TVP23A: variants seen among roughly 807,000 people sequenced by gnomAD.
The protein encoded by TVP23A is Golgi apparatus membrane protein TVP23 homolog A.
TVP23A carries 21 observed loss-of-function variants against 31.7 expected under a neutral mutation model. That is an observed-to-expected ratio of 0.66 (90% confidence interval 0.47 to 0.95). TVP23A has a LOEUF of 0.95. TVP23A is among the 40% of genes least tolerant of loss of function. TVP23A has a pLI of 0.00. For synonymous variants in TVP23A, 104 were observed against 96.0 expected (o/e 1.08, Z -0.49); for missense variants, 279 against 255.6 (o/e 1.09, Z -0.62).
chr16:10,818,697 G>C lies in TVP23A; in HGVS notation c.-204C>G. 1 of 563,454 alleles carries C rather than the reference G, an allele frequency of 1.8e-6. No individual in the cohort carries two copies. Among genetic ancestry groups the C allele is most frequent in the South Asian group, 2.9e-5 (1 of 34,498 alleles). 34.9% of individuals were successfully genotyped at this position (563,454 alleles called of 1,614,324 possible). ...GGGCCTAAGGCGCAGTCGCAGGCTG[G>C]GGAGGGGGCTCGGCTCGCCGGGGAC... On this transcript the variant is annotated 5_prime_UTR_variant, in exon 1 of 8. Transcript: ENST00000299866. This position sits in a 1 kb window ranked among gnomAD's most constrained non-coding sequence, Gnocchi z 4.7.
At chr16:10,813,972 C>A (rs932056362) in intron 2 of TVP23A, among the ~76,000 whole-genome samples, 1 of 122,300 alleles carries the variant, frequency 8.2e-6, no homozygotes, top group South Asian at 2.8e-4. Context: ...GCACTCCAGC[C>A]TGGGCAAAAA....
downstream of TVP23A, chr16:10,757,931 G>A: frequency 6.2e-7 from 1 of 1,614,058 alleles, no homozygotes; most frequent in Non-Finnish European, 8.5e-7. This position sits in a 1 kb window ranked among gnomAD's most constrained non-coding sequence, Gnocchi z 4.1. Context: ...ACCTCATTGT[G>A]GACACCCCAC....
chr16:10,772,098 C>T (rs116765913), intron 5 of TVP23A, among the ~76,000 whole-genome samples: 2,341 of 152,300 alleles, frequency 0.015, 79 homozygotes, highest in African/African-American at 0.052. Flanking sequence ...TCTCAAGCCA[C>T]GTAGAAATGC....
chr16:10,813,729 G>C (rs2143007483), intron 2 of TVP23A, among the ~76,000 whole-genome samples: 1 of 152,164 alleles, frequency 6.6e-6, no homozygotes, highest in East Asian at 1.9e-4. Context: ...TTCTAGGCCG[G>C]GCATGGTGGC....
intron 2 of TVP23A, among the ~76,000 whole-genome samples, chr16:10,804,707 C>T (rs995510795): frequency 2.0e-5 from 3 of 152,340 alleles, no homozygotes; most frequent in Admixed American, 6.5e-5. Flanking sequence ...GATCATGCCA[C>T]TGCACTCCAG....
Position 10,818,745 on chromosome 16 carries a change from G to T in TVP23A, c.-252C>A, listed in dbSNP as rs1376944769. On this transcript the variant is annotated 5_prime_UTR_variant, in exon 1 of 8. Coordinates refer to ENST00000299866, the MANE Select transcript of TVP23A (RefSeq NM_001079512.4). The surrounding 1 kb of genome is among the most constrained non-coding windows in gnomAD (Gnocchi z 4.7). ...GACGCGCCCAGGAGAGAAAGCGGCGGCAGGGAGGCAACGGCCTGGGGAACT... is the reference window on the plus strand; with the variant it reads ...GACGCGCCCAGGAGAGAAAGCGGCGTCAGGGAGGCAACGGCCTGGGGAACT... 2 of 492,308 alleles carry T rather than the reference G, an allele frequency of 4.1e-6. No homozygotes were observed. The highest frequency in any genetic ancestry group is 7.0e-6 in the Non-Finnish European group (2 of 283,910). 30.5% of individuals were successfully genotyped at this position (492,308 alleles called of 1,614,324 possible).
At chr16:10,813,992 T>C (rs1596586505) in intron 2 of TVP23A, among the ~76,000 whole-genome samples, 2 of 60,508 alleles carry the variant, frequency 3.3e-5, no homozygotes, top group African/African-American at 1.1e-4. Flanking sequence ...AGAGTGAAAC[T>C]CCATCTCAAA....
chr16:10,815,165 G>C (rs1387797329), intron 2 of TVP23A, among the ~76,000 whole-genome samples: 1 of 138,582 alleles, frequency 7.2e-6, no homozygotes, highest in Admixed American at 6.7e-5. Flanking sequence ...GCTGAAGTAG[G>C]TAGGTAGGGA....
At chr16:10,757,877 G>T, downstream of TVP23A, 1 of 1,613,590 alleles carries the variant, frequency 6.2e-7, no homozygotes, top group Non-Finnish European at 8.5e-7. This position sits in a 1 kb window ranked among gnomAD's most constrained non-coding sequence, Gnocchi z 4.1. Flanking sequence ...TTCTAGGCAT[G>T]ATCAAGCAGT....
intron 2 of TVP23A, among the ~76,000 whole-genome samples, chr16:10,781,888 G>A (rs1467228740): frequency 1.8e-5 from 2 of 109,404 alleles, no homozygotes; most frequent in Non-Finnish European, 3.3e-5. Flanking sequence ...TTGAGACAGA[G>A]TCTCACTCTG....
intron 2 of TVP23A, among the ~76,000 whole-genome samples, chr16:10,796,280 C>T (rs1471714329): frequency 2.0e-5 from 3 of 151,938 alleles, no homozygotes; most frequent in African/African-American, 7.3e-5. Flanking sequence ...TTCAAGGCTG[C>T]AGTGAGATGT....
intron 2 of TVP23A, among the ~76,000 whole-genome samples, chr16:10,807,925 C>G (rs986930886): frequency 2.0e-5 from 3 of 152,124 alleles, no homozygotes; most frequent in African/African-American, 7.2e-5. Context: ...GTTGTCCAGG[C>G]TGGACTCGAA....
chr16:10,778,723 T>C (rs1163924097), intron 2 of TVP23A, among the ~76,000 whole-genome samples: 2 of 151,116 alleles, frequency 1.3e-5, no homozygotes, highest in East Asian at 3.9e-4. Context: ...CCCAGCACTT[T>C]GGGAGGCTGA....
chr16:10,792,114 C>T lies in TVP23A; in HGVS notation c.90-17018G>A, dbSNP rs77093903. ...CCTGCCTATAAAATCTGCTGTGGTCCACCTCCGGCTGGATTTTTCCCTTCG... is the reference window on the plus strand; with the variant it reads ...CCTGCCTATAAAATCTGCTGTGGTCTACCTCCGGCTGGATTTTTCCCTTCG... On this transcript the variant is annotated intron_variant, in intron 2 of 7. Transcript: ENST00000299866. 3.7e-3 allele frequency among the ~76,000 whole-genome samples: 567 copies of T among 152,304 alleles called. 2 individuals carry two copies. The highest frequency in any genetic ancestry group is 6.0e-3 in the Non-Finnish European group (405 of 68,030).
chr16:10,796,264 C>T (rs1363626217), intron 2 of TVP23A, among the ~76,000 whole-genome samples: 8 of 151,874 alleles, frequency 5.3e-5, no homozygotes, highest in Admixed American at 3.9e-4. Flanking sequence ...CACTAGAGCC[C>T]AGGAGTTCAA....
chr16:10,773,904 C>T, intron 4 of TVP23A, 135 bp downstream of exon 4: 1 of 709,220 alleles, frequency 1.4e-6, no homozygotes. Flanking sequence ...ACCCATGTTT[C>T]ACCAGAGCAC....
chr16:10,764,742 AG>A (rs2142799020), downstream of TVP23A, among the ~76,000 whole-genome samples: 1 of 146,196 alleles, frequency 6.8e-6, no homozygotes, highest in Non-Finnish European at 1.5e-5. Context: ...GGAGCATCTC[AG>A]TCTGCTGGAG....
intron 2 of TVP23A, among the ~76,000 whole-genome samples, chr16:10,803,537 G>C (rs2033808594): frequency 6.6e-6 from 1 of 152,110 alleles, no homozygotes; most frequent in Non-Finnish European, 1.5e-5. Flanking sequence ...TGGGTAAACA[G>C]AGTCACAATC....
intron 2 of TVP23A, among the ~76,000 whole-genome samples, chr16:10,788,627 G>T (rs981488443): frequency 6.6e-6 from 1 of 152,074 alleles, no homozygotes; most frequent in Non-Finnish European, 1.5e-5. Context: ...GGCTGCAAAG[G>T]GCTCAGAGTT....
Sources: gnomAD v4.1 joint callset for allele counts (sites outside exome capture counted in the v4.1 genomes callset) on GRCh38, gnomAD v4.1.1 for gene constraint, Gnocchi (gnomAD v3.1) non-coding constraint, MANE v1.5 for transcripts, NCBI Gene and HGNC (gene_info 2026-07-23, HGNC 2026-07-21) for gene names.